Variants in TNFSF4 observed in about 807,000 individuals in gnomAD.
TNFSF4 encodes the protein tumor necrosis factor ligand superfamily member 4.
TNFSF4 carries 4 observed loss-of-function variants against 7.3 expected under a neutral mutation model. That is an observed-to-expected ratio of 0.55 (90% CI 0.27 to 1.25). The LOEUF is 1.25. Among genes scored for constraint, TNFSF4 ranks in the 50% most tolerant of loss-of-function variants. The pLI is 0.12. For synonymous variants in TNFSF4, 76 were observed against 83.7 expected (o/e 0.91, Z 0.50); for missense variants, 181 against 208.8 (o/e 0.87, Z 0.82).
chr1:173,241,011 T>C, the TNFSF4 span, among the ~76,000 whole-genome samples: 2 of 152,236 alleles, frequency 1.3e-5, no homozygotes, highest in Non-Finnish European at 2.9e-5. Flanking sequence ...TTTTTTCTAT[T>C]GAATTTACTA....
At chr1:173,325,091 C>T in the TNFSF4 span, among the ~76,000 whole-genome samples, 2 of 152,104 alleles carry the variant, frequency 1.3e-5, no homozygotes, top group African/African-American at 2.4e-5. Flanking sequence ...ACACCTATTC[C>T]AAAACTGACC....
At chr1:173,431,107 C>A in the TNFSF4 span, among the ~76,000 whole-genome samples, 9 of 152,194 alleles carry the variant, frequency 5.9e-5, no homozygotes, top group Non-Finnish European at 1.3e-4. Context: ...AGCTAAAGGG[C>A]ATGTTATTTG....
chr1:173,278,352 G>A, the TNFSF4 span, among the ~76,000 whole-genome samples: 1 of 151,940 alleles, frequency 6.6e-6, no homozygotes, highest in African/African-American at 2.4e-5. Context: ...TCAAAATGAT[G>A]CATTTCTGGT....
the TNFSF4 span, among the ~76,000 whole-genome samples, chr1:173,431,438 G>T: frequency 6.6e-6 from 1 of 152,204 alleles, no homozygotes; most frequent in Non-Finnish European, 1.5e-5. Context: ...TGCGCTGATT[G>T]TTGGGCCTTG....
chr1:173,266,996 A>G, the TNFSF4 span, among the ~76,000 whole-genome samples: 2 of 152,146 alleles, frequency 1.3e-5, no homozygotes, highest in South Asian at 4.1e-4. Context: ...AGTGTTCTCA[A>G]TGTGGAAAAG....
rs1415884700 is a variant in TNFSF4 at position 173,189,364 on chromosome 1, C to T, written c.154-795G>A. ...AGCTTCCTGCATGTCTGGTCTTTCACTTTAACGCAGGAGTAAAAGCATCCT... is the reference window on the plus strand; with the variant it reads ...AGCTTCCTGCATGTCTGGTCTTTCATTTTAACGCAGGAGTAAAAGCATCCT... On this transcript the variant is annotated intron_variant, in intron 1 of 2. Coordinates refer to ENST00000281834, the MANE Select transcript of TNFSF4 (RefSeq NM_003326.5). Among the ~76,000 whole-genome samples, 3 of 152,148 alleles carry T rather than the reference C, an allele frequency of 2.0e-5. No individual in the cohort carries two copies. The East Asian group carries it at 5.8e-4, about 29-fold the overall frequency.
the TNFSF4 span, among the ~76,000 whole-genome samples, chr1:173,331,652 G>T: frequency 6.6e-6 from 1 of 152,108 alleles, no homozygotes; most frequent in South Asian, 2.1e-4. Flanking sequence ...CTCCTTCAGG[G>T]GGCAAGTTAC....
chr1:173,446,605 C>G, the TNFSF4 span, among the ~76,000 whole-genome samples: 1 of 152,166 alleles, frequency 6.6e-6, no homozygotes, highest in Non-Finnish European at 1.5e-5. Context: ...GCAGACCCCC[C>G]CTCAATCTGG....
At chr1:173,273,752 A>G in the TNFSF4 span, among the ~76,000 whole-genome samples, 1 of 152,118 alleles carries the variant, frequency 6.6e-6, no homozygotes, top group African/African-American at 2.4e-5. Context: ...ATATATTCAC[A>G]TGAAAAAGAT....
At chr1:173,420,828 T>C in the TNFSF4 span, among the ~76,000 whole-genome samples, 1 of 152,240 alleles carries the variant, frequency 6.6e-6, no homozygotes, top group African/African-American at 2.4e-5. Flanking sequence ...CTAAATCTTA[T>C]TCCCAGATCT....
chr1:173,255,487 T>C, the TNFSF4 span, among the ~76,000 whole-genome samples: 1 of 152,260 alleles, frequency 6.6e-6, no homozygotes, highest in Non-Finnish European at 1.5e-5. Context: ...TTGTATTGGC[T>C]ATTTGGTATT....
the TNFSF4 span, among the ~76,000 whole-genome samples, chr1:173,339,603 T>G: frequency 6.6e-6 from 1 of 152,302 alleles, no homozygotes; most frequent in Non-Finnish European, 1.5e-5. Flanking sequence ...TATTCTCTTC[T>G]CATGCAACAT....
At chr1:173,382,434 G>A in the TNFSF4 span, among the ~76,000 whole-genome samples, 1 of 152,150 alleles carries the variant, frequency 6.6e-6, no homozygotes, top group Admixed American at 6.5e-5. Flanking sequence ...CCACCAGAAG[G>A]AACCAATTCC....
chr1:173,450,622 T>C, the TNFSF4 span, among the ~76,000 whole-genome samples: 1 of 151,442 alleles, frequency 6.6e-6, no homozygotes, highest in Non-Finnish European at 1.5e-5. Context: ...CACTCAACAT[T>C]TGAAAAGCCA....
chr1:173,250,049 A>G, the TNFSF4 span, among the ~76,000 whole-genome samples: 1 of 152,172 alleles, frequency 6.6e-6, no homozygotes, highest in African/African-American at 2.4e-5. Flanking sequence ...AACCTCTTAA[A>G]TCTTCAAATG....
At chr1:173,354,008 G>GAC in the TNFSF4 span, among the ~76,000 whole-genome samples, 5 of 148,176 alleles carry the variant, frequency 3.4e-5, no homozygotes, top group East Asian at 2.0e-4. Context: ...AGGAGGTCGA[G>GAC]ACACACACAC....
At chr1:173,250,596 A>G in the TNFSF4 span, among the ~76,000 whole-genome samples, 1 of 151,928 alleles carries the variant, frequency 6.6e-6, no homozygotes, top group African/African-American at 2.4e-5. Flanking sequence ...AGTAGCTGGG[A>G]CTACAGGCGA....
chr1:173,424,966 C>A, the TNFSF4 span, among the ~76,000 whole-genome samples: 2 of 152,152 alleles, frequency 1.3e-5, no homozygotes, highest in African/African-American at 4.8e-5. Flanking sequence ...TTAAATATTT[C>A]TTATTCTTTA....
intron 1 of TNFSF4, among the ~76,000 whole-genome samples, chr1:173,206,459 A>G (rs1650193961): frequency 6.6e-6 from 1 of 152,232 alleles, no homozygotes; most frequent in Non-Finnish European, 1.5e-5. Flanking sequence ...TGGAAGAGAT[A>G]GATTGTGAGA....
Sources: allele counts gnomAD v4.1 joint callset (sites outside exome capture counted in the v4.1 genomes callset), GRCh38; gene constraint gnomAD v4.1.1; transcripts MANE v1.5; gene names NCBI Gene and HGNC (gene_info 2026-07-23, HGNC 2026-07-21).